Variants in PDK1 observed in about 807,000 individuals in gnomAD.
PDK1 encodes the protein pyruvate dehydrogenase kinase 1, also known as [Pyruvate dehydrogenase (acetyl-transferring)] kinase isozyme 1, mitochondrial.
Under a neutral mutation model 54.2 loss-of-function variants are expected in PDK1, and 39 were observed. That is an observed-to-expected ratio of 0.72 (90% confidence interval 0.56 to 0.94). The LOEUF (loss-of-function observed/expected upper bound fraction) is 0.94, where lower values mean the gene tolerates loss of function less well. PDK1 is among the 40% of genes least tolerant of loss of function. The probability of loss-of-function intolerance (pLI) is 0.00; values close to 1 mark genes in which losing one functional copy is unlikely to be tolerated. For synonymous variants in PDK1, 221 were observed against 207.1 expected (o/e 1.07, Z -0.58); for missense variants, 552 against 566.0 (o/e 0.98, Z 0.25).
chr2:172,659,921 T>G, the PDK1 span, among the ~76,000 whole-genome samples: 1 of 152,194 alleles, frequency 6.6e-6, no homozygotes, highest in Non-Finnish European at 1.5e-5. Flanking sequence ...TTTAGCTGGA[T>G]TTGACCAGCT....
the PDK1 span, among the ~76,000 whole-genome samples, chr2:172,628,213 C>T: frequency 1.3e-5 from 2 of 152,220 alleles, no homozygotes; most frequent in African/African-American, 4.8e-5. Context: ...CAAACCCTTA[C>T]CTGCTAGTCA....
At chr2:172,568,162 C>G (rs1211908289) in intron 6 of PDK1, among the ~76,000 whole-genome samples, 3 of 151,698 alleles carry the variant, frequency 2.0e-5, no homozygotes, top group African/African-American at 7.3e-5. Flanking sequence ...TGAAACCCGT[C>G]TCTACTAAAA....
At chr2:172,703,126 A>G in the PDK1 span, among the ~76,000 whole-genome samples, 2 of 152,322 alleles carry the variant, frequency 1.3e-5, no homozygotes, top group East Asian at 1.9e-4. Context: ...TTGCACACAC[A>G]TGCAGAGGAG....
chr2:172,586,525 C>A, intron 9 of PDK1, 137 bp downstream of exon 9: 1 of 525,288 alleles, frequency 1.9e-6, no homozygotes, highest in East Asian at 3.2e-5. Context: ...CACACTTTCC[C>A]CTAAATTTAA....
the PDK1 span, among the ~76,000 whole-genome samples, chr2:172,682,028 G>A: frequency 2.6e-5 from 4 of 152,194 alleles, no homozygotes; most frequent in Non-Finnish European, 5.9e-5. Context: ...AAAGTGCTGG[G>A]GATTAAAGGC....
At chr2:172,618,129 A>C in the PDK1 span, among the ~76,000 whole-genome samples, 8 of 152,214 alleles carry the variant, frequency 5.3e-5, no homozygotes, top group Non-Finnish European at 7.3e-5. Context: ...CCAAGTCTGC[A>C]TATAAAATAA....
chr2:172,705,454 T>C, the PDK1 span, among the ~76,000 whole-genome samples: 1 of 152,234 alleles, frequency 6.6e-6, no homozygotes, highest in Non-Finnish European at 1.5e-5. Flanking sequence ...AAACTCTCTC[T>C]ATTCTGCCCT....
chr2:172,620,336 A>G, the PDK1 span, among the ~76,000 whole-genome samples: 138 of 152,334 alleles, frequency 9.1e-4, no homozygotes, highest in African/African-American at 3.2e-3. Context: ...GATTTATAAT[A>G]CAGTGAACAA....
chr2:172,564,589 G>A lies in PDK1; in HGVS notation c.497G>A (p.Ser166Asn). ...MAQGVIEYKE[S>N]FGVDPVTSQN... The stretch of plus-strand genomic sequence containing the variant: ...CAGGGTGTGATTGAATACAAGGAGA[G>A]CTTTGGGGTGGATCCTGTCACCAGC... Residue 166 changes from serine to asparagine, a missense_variant, in exon 4 of 11, where the codon AGC (serine) becomes AAC (asparagine). Physicochemically the swap from Ser to Asn is conservative, Grantham distance 46. Transcript: ENST00000282077. 2 of 1,614,032 alleles carry A rather than the reference G, an allele frequency of 1.2e-6. No homozygotes were observed. The highest frequency in any genetic ancestry group is 1.3e-5 in the African/African-American group (1 of 75,042).
chr2:172,704,130 G>A, the PDK1 span, among the ~76,000 whole-genome samples: 1 of 152,086 alleles, frequency 6.6e-6, no homozygotes, highest in South Asian at 2.1e-4. Flanking sequence ...CTGTAAAATA[G>A]GGTTTAAGAG....
the PDK1 span, among the ~76,000 whole-genome samples, chr2:172,720,745 C>T: frequency 3.9e-5 from 6 of 152,112 alleles, no homozygotes; most frequent in Non-Finnish European, 8.8e-5. Flanking sequence ...TTTGTTTTCT[C>T]TTTCTCTAGC....
the PDK1 span, among the ~76,000 whole-genome samples, chr2:172,695,153 T>C: frequency 6.6e-6 from 1 of 152,006 alleles, no homozygotes; most frequent in Non-Finnish European, 1.5e-5. Flanking sequence ...CGATGTTTTT[T>C]TGACCAGAAA....
At chr2:172,609,841 T>G (rs545997951), downstream of PDK1, among the ~76,000 whole-genome samples, 287 of 152,156 alleles carry the variant, frequency 1.9e-3, no homozygotes, top group African/African-American at 5.9e-3. Context: ...GTTTTGTTTT[T>G]TTTGAGATGG....
At chr2:172,662,549 G>A in the PDK1 span, among the ~76,000 whole-genome samples, 1 of 129,132 alleles carries the variant, frequency 7.7e-6, no homozygotes, top group African/African-American at 2.7e-5. Context: ...ATCTTTCCAT[G>A]TTATTCAGAT....
downstream of PDK1, among the ~76,000 whole-genome samples, chr2:172,612,028 G>T (rs920214621): frequency 2.0e-4 from 30 of 152,264 alleles, no homozygotes; most frequent in South Asian, 4.1e-4. Flanking sequence ...ACACATATTT[G>T]CCATATCATA....
intron 8 of PDK1, among the ~76,000 whole-genome samples, chr2:172,582,922 A>G (rs1258366161): frequency 6.6e-6 from 1 of 151,512 alleles, no homozygotes; most frequent in East Asian, 1.9e-4. Flanking sequence ...ATCCCCTCTT[A>G]TTTTCCCATG....
At chr2:172,720,304 G>A in the PDK1 span, among the ~76,000 whole-genome samples, 3 of 152,056 alleles carry the variant, frequency 2.0e-5, no homozygotes, top group South Asian at 2.1e-4. Flanking sequence ...TAGTAGAGGC[G>A]AGGTTTCACC....
intron 8 of PDK1, among the ~76,000 whole-genome samples, chr2:172,581,910 T>TG (rs1553482739): frequency 2.0e-5 from 3 of 151,948 alleles, no homozygotes; most frequent in African/African-American, 4.8e-5. Flanking sequence ...TGTCTTTTTT[T>TG]TGTGTGTGTG....
At position 172,568,749 on chromosome 2, in the gene PDK1, C is replaced by T; in HGVS notation, c.778C>T (p.Pro260Ser). 6.2e-7 allele frequency: 1 copy of T among 1,602,804 alleles called. No homozygotes were observed. The highest frequency in any genetic ancestry group is 1.1e-5 in the South Asian group (1 of 90,868). Reference sequence around the variant, plus strand: ...TCTCTTCTGCTCTGTAGCAAAATCACCAGGACAGCCAATACAAGTGGTTTA... The same window carrying T: ...TCTCTTCTGCTCTGTAGCAAAATCATCAGGACAGCCAATACAAGTGGTTTA... ...LELEELNAKS[P>S]GQPIQVVYVP... Residue 260 changes from proline to serine, a missense_variant, in exon 7 of 11, where the codon CCA (proline) becomes TCA (serine). Transcript: ENST00000282077.
Sources: allele counts gnomAD v4.1 joint callset (sites outside exome capture counted in the v4.1 genomes callset), GRCh38; gene constraint gnomAD v4.1.1; transcripts MANE v1.5; gene names NCBI Gene and HGNC (gene_info 2026-07-23, HGNC 2026-07-21).